The following PHEX variants were observed in gnomAD, a reference collection of about 807,000 sequenced individuals.
The protein encoded by PHEX is phosphate-regulating neutral endopeptidase PHEX.
A neutral mutation model predicts 68.0 loss-of-function variants in PHEX; 16 were observed. The ratio of observed to expected loss-of-function variants is 0.24; its 90% CI spans 0.16 to 0.36. The LOEUF (loss-of-function observed/expected upper bound fraction) is 0.36, where lower values mean the gene tolerates loss of function less well. Among genes scored for constraint, PHEX ranks in the 10% least tolerant of loss-of-function variants. The pLI is 1.00. For synonymous variants in PHEX, 208 were observed against 205.1 expected, an observed-to-expected ratio of 1.01 and a Z score of -0.12; for missense variants, 480 against 575.5, an observed-to-expected ratio of 0.83 and a Z score of 1.70.
At chrX:22,185,930 A>G (rs2147134777) in intron 14 of PHEX, among the ~76,000 whole-genome samples, 1 of 109,896 alleles carries the variant, frequency 9.1e-6, no homozygotes, top group Admixed American at 9.7e-5. Flanking sequence ...TAATTTTTGT[A>G]GTTTTAGTAC....
intron 15 of PHEX, among the ~76,000 whole-genome samples, chrX:22,205,530 T>G (rs948192086): frequency 1.8e-5 from 2 of 111,170 alleles, no homozygotes; most frequent in Non-Finnish European, 3.8e-5. Flanking sequence ...AGGCTTCCTA[T>G]TTTGTAAAAT....
rs142439726 is a variant in PHEX, at chrX:22,117,011, G to A, written c.1302+2425G>A. Among the ~76,000 whole-genome samples, 720 of 112,100 alleles carry A rather than the reference G, an allele frequency of 6.4e-3. 11 individuals are homozygous for A. Among genetic ancestry groups the A allele is most frequent in the African/African-American group, 0.022 (680 of 30,913 alleles). On this transcript the variant is annotated intron_variant, in intron 11 of 21. Transcript: ENST00000379374. Reference sequence around the variant, plus strand: ...TGATTTAGCAGGAGACAAGATAAGGGTAATTACCTCAGTACCTAGACCCAT... The same window carrying A: ...TGATTTAGCAGGAGACAAGATAAGGATAATTACCTCAGTACCTAGACCCAT...
At chrX:22,033,793 A>G in intron 1 of PHEX, among the ~76,000 whole-genome samples, 1 of 112,377 alleles carries the variant, frequency 8.9e-6, no homozygotes, top group East Asian at 2.8e-4. Flanking sequence ...GTGTATTCCC[A>G]TGAAAAAGAA....
chrX:22,202,235 C>T lies in PHEX; in HGVS notation c.1646-10669C>T, dbSNP rs540822639. ...TTTATTACATATTCTTCCAAGTCAT[C>T]GAGTGTAGTGTTCAATTGAGAAAAC... On this transcript the variant is annotated intron_variant, in intron 15 of 21. Coordinates refer to ENST00000379374, the MANE Select transcript of PHEX (RefSeq NM_000444.6). 8.0e-5 allele frequency among the ~76,000 whole-genome samples: 9 copies of T among 111,984 alleles called. No individual in the cohort carries two copies. The East Asian group carries it at 2.2e-3, about 28-fold the overall frequency.
chrX:22,153,373 C>A (rs1228465598), intron 12 of PHEX, among the ~76,000 whole-genome samples: 1 of 111,896 alleles, frequency 8.9e-6, no homozygotes, highest in Non-Finnish European at 1.9e-5. Flanking sequence ...AGACATAATT[C>A]ATAATTTATA....
At chrX:22,223,315 T>G (rs746524306) in intron 18 of PHEX, among the ~76,000 whole-genome samples, 48 of 111,635 alleles carry the variant, frequency 4.3e-4, no homozygotes, top group African/African-American at 1.3e-3. Flanking sequence ...TGAGTCTTTT[T>G]TTGTTGTTGT....
At chrX:22,052,429 T>C (rs142177023) in intron 3 of PHEX, among the ~76,000 whole-genome samples, 240 of 111,597 alleles carry the variant, frequency 2.2e-3, no homozygotes, top group African/African-American at 7.3e-3. Context: ...GGTTTCGCCA[T>C]GTTTGCCAGG....
intron 12 of PHEX, among the ~76,000 whole-genome samples, chrX:22,154,209 G>C (rs186808555): frequency 1.7e-4 from 19 of 111,880 alleles, no homozygotes; most frequent in African/African-American, 6.2e-4. Context: ...GAGTGGGAGG[G>C]AAGGTGGTAG....
chrX:22,182,135 A>C (rs186062820), intron 14 of PHEX, among the ~76,000 whole-genome samples: 1 of 111,686 alleles, frequency 9.0e-6, no homozygotes, highest in Admixed American at 9.5e-5. Context: ...AAAAGTGGAC[A>C]TCCTTGTCTT....
chrX:22,082,106 C>T (rs1175290840), intron 5 of PHEX, among the ~76,000 whole-genome samples: 3 of 112,065 alleles, frequency 2.7e-5, no homozygotes, highest in African/African-American at 9.7e-5. Flanking sequence ...ACTGACAGAA[C>T]ATAGAATTTT....
intron 3 of PHEX, among the ~76,000 whole-genome samples, chrX:22,056,080 A>G (rs141695038): frequency 2.7e-3 from 301 of 112,418 alleles, no homozygotes; most frequent in African/African-American, 9.0e-3. Flanking sequence ...TATGATATTC[A>G]GCTGGCGGGA....
intron 3 of PHEX, among the ~76,000 whole-genome samples, chrX:22,057,341 C>T (rs1172006842): frequency 5.4e-5 from 6 of 111,569 alleles, no homozygotes; most frequent in East Asian, 2.8e-4. Context: ...CCGTGGCTCA[C>T]GGCTGTAATC....
chrX:22,075,945 C>G (rs1329500150), intron 3 of PHEX, among the ~76,000 whole-genome samples: 10 of 111,999 alleles, frequency 8.9e-5, no homozygotes, highest in African/African-American at 2.6e-4. Flanking sequence ...CGGGTGACCT[C>G]CTTGAGAGGC....
chrX:22,226,671 A>G (rs1043726306), intron 19 of PHEX, among the ~76,000 whole-genome samples, 163 bp downstream of exon 19: 1 of 111,922 alleles, frequency 8.9e-6, no homozygotes, highest in Non-Finnish European at 1.9e-5. Flanking sequence ...CCTATTACAT[A>G]AAGAGAACTA....
intron 14 of PHEX, among the ~76,000 whole-genome samples, chrX:22,179,071 T>C (rs760168698): frequency 8.9e-6 from 1 of 112,084 alleles, no homozygotes; most frequent in Admixed American, 9.5e-5. Flanking sequence ...TTCTGTGTGG[T>C]ATAGGTACTG....
At chrX:22,095,664 G>C (rs779616133) in intron 7 of PHEX, among the ~76,000 whole-genome samples, 2 of 112,166 alleles carry the variant, frequency 1.8e-5, no homozygotes, top group African/African-American at 6.5e-5. Context: ...CCTGTGGAGG[G>C]TGAAGAAAGG....
chrX:22,087,835 A>T (rs1929690665), intron 5 of PHEX, among the ~76,000 whole-genome samples: 2 of 112,105 alleles, frequency 1.8e-5, no homozygotes, highest in Non-Finnish European at 3.8e-5. Context: ...CATTTTATTT[A>T]TCTTTAGTCA....
At chrX:22,183,644 A>G (rs1198025791) in intron 14 of PHEX, among the ~76,000 whole-genome samples, 2 of 110,964 alleles carry the variant, frequency 1.8e-5, no homozygotes, top group Admixed American at 1.9e-4. Context: ...GACCATCTAC[A>G]TGTAATACGG....
chrX:22,200,936 C>T (rs1441428830), intron 15 of PHEX, among the ~76,000 whole-genome samples: 1 of 111,391 alleles, frequency 9.0e-6, no homozygotes, highest in Non-Finnish European at 1.9e-5. Context: ...GCTTTTTGGC[C>T]AAGCCTGTGA....
Sources: gnomAD v4.1 joint callset for allele counts (sites outside exome capture counted in the v4.1 genomes callset) on GRCh38, gnomAD v4.1.1 for gene constraint, MANE v1.5 for transcripts, NCBI Gene and HGNC (gene_info 2026-07-23, HGNC 2026-07-21) for gene names.